DIAPH3: variants seen among roughly 807,000 people sequenced by gnomAD.
DIAPH3 encodes protein diaphanous homolog 3.
In DIAPH3, 117 loss-of-function variants were observed where a neutral mutation model predicts 144.3. The observed-to-expected ratio is 0.81, with a 90% CI of 0.70 to 0.95. DIAPH3 has a LOEUF of 0.95. Ranked by LOEUF, DIAPH3 falls within the 40% of genes least tolerant of loss-of-function variation. DIAPH3 has a pLI of 0.00. For synonymous variants in DIAPH3, 519 were observed against 488.9 expected (o/e 1.06, Z -0.81); for missense variants, 1,421 against 1,412.7 (o/e 1.01, Z -0.09).
At chr13:59,751,894 G>T (rs2037026337) in intron 27 of DIAPH3, among the ~76,000 whole-genome samples, 1 of 152,192 alleles carries the variant, frequency 6.6e-6, no homozygotes, top group Non-Finnish European at 1.5e-5. Context: ...TTCATAAATT[G>T]GTCCAGTGCC....
chr13:59,671,167 C>T (rs903804171), intron 27 of DIAPH3, among the ~76,000 whole-genome samples: 4 of 152,208 alleles, frequency 2.6e-5, no homozygotes, highest in Non-Finnish European at 5.9e-5. Flanking sequence ...TTTCAAACAA[C>T]AGAGTGATCC....
rs561056450 is a variant in DIAPH3 at position 60,005,169 on chromosome 13, G to C, written c.1014+3375C>G. Among the ~76,000 whole-genome samples, 5 of 152,280 alleles carry C rather than the reference G, an allele frequency of 3.3e-5. No individual in the cohort carries two copies. In the South Asian group the frequency reaches 1.0e-3, roughly 32 times the overall value. ...TGGTACACTCATGACAGACGATTAT[G>C]TGGCGATTTTTTAAAATGCAGTACT... On this transcript the variant is annotated intron_variant, in intron 9 of 27. Coordinates refer to ENST00000400324, the MANE Select transcript of DIAPH3 (RefSeq NM_001042517.2).
chr13:60,015,009 G>GT lies in DIAPH3; in HGVS notation c.771+903dup, dbSNP rs200557496. Among the ~76,000 whole-genome samples the GT allele has an allele frequency of 4.7e-3, 709 of 151,232 alleles. 3 individuals are homozygous for GT. Among genetic ancestry groups the GT allele is most frequent in the South Asian group, 0.026 (122 of 4,778 alleles). On this transcript the variant is annotated intron_variant, in intron 7 of 27. Transcript: ENST00000400324. ...GTTTTGTTTTGTTTTGTTTTGTTTT[G>GT]TTTAAGGACAGGGATTCACTTTGTC... is the stretch of plus-strand genomic sequence containing the variant.
intron 27 of DIAPH3, among the ~76,000 whole-genome samples, chr13:59,762,804 A>G (rs944938370): frequency 6.6e-6 from 1 of 152,166 alleles, no homozygotes; most frequent in African/African-American, 2.4e-5. Flanking sequence ...TCATAATAGT[A>G]TTGTGACATG....
At chr13:60,157,976 A>G (rs1051030549) in intron 1 of DIAPH3, among the ~76,000 whole-genome samples, 4 of 152,158 alleles carry the variant, frequency 2.6e-5, no homozygotes, top group African/African-American at 9.7e-5. Flanking sequence ...TATCAGCTAT[A>G]TGGTCACCAG....
At chr13:59,789,486 G>T (rs1407974980) in intron 25 of DIAPH3, among the ~76,000 whole-genome samples, 4 of 152,164 alleles carry the variant, frequency 2.6e-5, no homozygotes, top group African/African-American at 9.7e-5. Flanking sequence ...TTTGAATAAA[G>T]AATGAAATGG....
intron 5 of DIAPH3, among the ~76,000 whole-genome samples, chr13:60,024,629 C>T (rs1323295081): frequency 6.6e-6 from 1 of 151,980 alleles, no homozygotes; most frequent in Non-Finnish European, 1.5e-5. Context: ...TTTTTTCATT[C>T]AGTTTGTGAT....
chr13:59,733,634 G>A (rs1468168719), intron 27 of DIAPH3, among the ~76,000 whole-genome samples: 1 of 152,110 alleles, frequency 6.6e-6, no homozygotes, highest in African/African-American at 2.4e-5. Flanking sequence ...CGCCCTTTAG[G>A]TTTCTGATAT....
At chr13:59,946,800 C>G (rs558247410) in intron 17 of DIAPH3, among the ~76,000 whole-genome samples, 1 of 152,076 alleles carries the variant, frequency 6.6e-6, no homozygotes, top group South Asian at 2.1e-4. Flanking sequence ...CCAGGCACAA[C>G]TTTAAAATAA....
intron 20 of DIAPH3, among the ~76,000 whole-genome samples, chr13:59,887,605 A>T (rs1190296126): frequency 6.6e-6 from 1 of 152,110 alleles, no homozygotes; most frequent in Admixed American, 6.6e-5. Flanking sequence ...AAAATTACTG[A>T]GGCTTATTTT....
intron 17 of DIAPH3, among the ~76,000 whole-genome samples, chr13:59,947,197 C>A (rs939436972): frequency 6.6e-6 from 1 of 152,120 alleles, no homozygotes; most frequent in Non-Finnish European, 1.5e-5. Context: ...TTGTTCTAGA[C>A]AACAGCTGGA....
intron 24 of DIAPH3, among the ~76,000 whole-genome samples, chr13:59,827,659 T>C (rs563942922): frequency 2.0e-5 from 3 of 152,134 alleles, no homozygotes; most frequent in African/African-American, 7.2e-5. Context: ...CTTCCACCCG[T>C]ACCAATTAGG....
At chr13:60,163,351 A>G (rs1265528267) in intron 1 of DIAPH3, among the ~76,000 whole-genome samples, 1 of 152,234 alleles carries the variant, frequency 6.6e-6, no homozygotes, top group East Asian at 1.9e-4. Context: ...CAATACATAT[A>G]CACGTTTGAA....
Position 59,940,425 on chromosome 13 carries a change from A to G in DIAPH3, c.2075-15555T>C, listed in dbSNP as rs140897206. Reference sequence around the variant, plus strand: ...AGTTTTTGTTCAAAAGACATACACCAACAAGCCAACGCAGAACAGAACAAT... The same window carrying G: ...AGTTTTTGTTCAAAAGACATACACCGACAAGCCAACGCAGAACAGAACAAT... On this transcript the variant is annotated intron_variant, in intron 17 of 27. Coordinates refer to ENST00000400324, the MANE Select transcript of DIAPH3 (RefSeq NM_001042517.2). Among the ~76,000 whole-genome samples, 45 of 152,300 alleles carry G rather than the reference A, an allele frequency of 3.0e-4. No homozygotes were observed. The East Asian group carries it at 3.7e-3, about 12-fold the overall frequency.
intron 17 of DIAPH3, among the ~76,000 whole-genome samples, chr13:59,954,957 T>G (rs948598383): frequency 4.0e-5 from 6 of 151,368 alleles, no homozygotes; most frequent in East Asian, 1.9e-4. Flanking sequence ...CAATTCAACA[T>G]GAGATTTGGG....
chr13:59,773,281 T>A lies in DIAPH3; in HGVS notation c.3319+908A>T, dbSNP rs571310499. 8.5e-5 allele frequency among the ~76,000 whole-genome samples: 13 copies of A among 152,296 alleles called. No individual in the cohort carries two copies. In the East Asian group the frequency reaches 1.3e-3, roughly 16 times the overall value. On this transcript the variant is annotated intron_variant, in intron 27 of 27. Transcript: ENST00000400324. ...ATCCCCACACCTATTAAAAGATAAT[T>A]ACATCCATGTCTTTTTCTTATTTAC...
At chr13:59,977,620 A>G (rs1258953667) in intron 14 of DIAPH3, among the ~76,000 whole-genome samples, 1 of 151,830 alleles carries the variant, frequency 6.6e-6, no homozygotes, top group East Asian at 1.9e-4. Flanking sequence ...TAGTTATCCA[A>G]GCGAGAACTG....
intron 20 of DIAPH3, among the ~76,000 whole-genome samples, chr13:59,910,382 T>G (rs1056739669): frequency 3.3e-5 from 5 of 151,846 alleles, no homozygotes; most frequent in Admixed American, 6.6e-5. Flanking sequence ...CCTGAAGAAT[T>G]GGAGTAAAAA....
At chr13:59,733,183 A>G (rs1396082927) in intron 27 of DIAPH3, among the ~76,000 whole-genome samples, 1 of 152,196 alleles carries the variant, frequency 6.6e-6, no homozygotes, top group East Asian at 1.9e-4. Flanking sequence ...GCTAAGAACT[A>G]TTACTGAATT....
Sources: allele counts gnomAD v4.1 joint callset (sites outside exome capture counted in the v4.1 genomes callset), GRCh38; gene constraint gnomAD v4.1.1; transcripts MANE v1.5; gene names NCBI Gene and HGNC (gene_info 2026-07-23, HGNC 2026-07-21).